HIVEP3: variants seen among roughly 807,000 people sequenced by gnomAD.
HIVEP3 encodes transcription factor HIVEP3.
A neutral mutation model predicts 152.8 loss-of-function variants in HIVEP3; 49 were observed. The ratio of observed to expected loss-of-function variants is 0.32; its 90% CI spans 0.26 to 0.41. HIVEP3 has a LOEUF of 0.41. Among genes scored for constraint, HIVEP3 ranks in the 10% least tolerant of loss-of-function variants. The pLI is 1.00. For missense variants in HIVEP3, 2,790 were observed against 3,103.3 expected, an observed-to-expected ratio of 0.90 and a Z score of 2.40; for synonymous variants, 1,269 against 1,289.0, an observed-to-expected ratio of 0.98 and a Z score of 0.33.
chr1:41,558,236 A>G (rs1028472446), intron 5 of HIVEP3, among the ~76,000 whole-genome samples: 3 of 152,162 alleles, frequency 2.0e-5, no homozygotes, highest in East Asian at 1.9e-4. Flanking sequence ...AGCATGCCCT[A>G]TGCTGGACGG....
At chr1:41,512,705 C>A in intron 8 of HIVEP3, 111 bp downstream of exon 8, 1 of 859,160 alleles carries the variant, frequency 1.2e-6, no homozygotes, top group Non-Finnish European at 1.7e-6. Flanking sequence ...TTAATAACTA[C>A]TGAGCTGGCA....
intron 1 of HIVEP3, among the ~76,000 whole-genome samples, chr1:41,896,678 G>A (rs927595647): frequency 6.6e-6 from 1 of 151,470 alleles, no homozygotes; most frequent in South Asian, 2.1e-4. Context: ...GGGTTCAAGC[G>A]ATTCTCCTGC....
At chr1:41,890,531 TGCTGAG>T (rs1644429912) in intron 1 of HIVEP3, among the ~76,000 whole-genome samples, 1 of 152,234 alleles carries the variant, frequency 6.6e-6, no homozygotes, top group Non-Finnish European at 1.5e-5. Flanking sequence ...TATTGTGTGA[TGCTGAG>T]GTTTGGGAGA....
At chr1:41,865,838 C>G (rs1344032197) in intron 1 of HIVEP3, among the ~76,000 whole-genome samples, 1 of 152,188 alleles carries the variant, frequency 6.6e-6, no homozygotes, top group Non-Finnish European at 1.5e-5. Context: ...AAGGTTAACA[C>G]TATCTGTCCA....
intron 1 of HIVEP3, among the ~76,000 whole-genome samples, chr1:41,784,670 C>T (rs184614590): frequency 2.6e-5 from 4 of 152,238 alleles, no homozygotes; most frequent in East Asian, 1.9e-4. Flanking sequence ...CCCCATGGGA[C>T]GGAGGCTGGA....
chr1:41,566,506 G>A (rs977028432), intron 5 of HIVEP3, among the ~76,000 whole-genome samples: 3 of 152,136 alleles, frequency 2.0e-5, no homozygotes, highest in Non-Finnish European at 2.9e-5. Flanking sequence ...ACACCTGTCT[G>A]CTCCAGCTCA....
chr1:41,792,789 C>T (rs1035456675), intron 1 of HIVEP3, among the ~76,000 whole-genome samples: 7 of 152,198 alleles, frequency 4.6e-5, no homozygotes, highest in African/African-American at 1.7e-4. Context: ...ACACTGAAGA[C>T]AACTGGACAG....
chr1:41,858,137 A>G (rs555482708), intron 1 of HIVEP3, among the ~76,000 whole-genome samples: 4 of 152,316 alleles, frequency 2.6e-5, no homozygotes, highest in African/African-American at 9.6e-5. Context: ...AATGGAAAAC[A>G]TAAGTTTTAC....
intron 1 of HIVEP3, among the ~76,000 whole-genome samples, chr1:41,874,777 C>A (rs949503682): frequency 6.6e-6 from 1 of 152,138 alleles, no homozygotes; most frequent in African/African-American, 2.4e-5. Context: ...CAAACAGAGG[C>A]CCTGAGGGAT....
chr1:41,527,251 A>ACCCT (rs1383936592), intron 5 of HIVEP3, among the ~76,000 whole-genome samples: 2 of 40,156 alleles, frequency 5.0e-5, no homozygotes, highest in Non-Finnish European at 1.1e-4. Context: ...CCTCACACAC[A>ACCCT]CACACCCTCA....
chr1:41,639,005 CCCTGCCACCCT>C (rs1217222498), intron 2 of HIVEP3, among the ~76,000 whole-genome samples: 1 of 152,174 alleles, frequency 6.6e-6, no homozygotes, highest in Non-Finnish European at 1.5e-5. Flanking sequence ...GCCCTGAGGC[CCCTGCCACCCT>C]CCTGACACCC....
At chr1:41,993,493 G>A (rs1645375970) in intron 1 of HIVEP3, among the ~76,000 whole-genome samples, 1 of 151,814 alleles carries the variant, frequency 6.6e-6, no homozygotes, top group African/African-American at 2.4e-5. Flanking sequence ...TAAAAAGTCA[G>A]GAAACAACAG....
At chr1:41,569,220 A>C (rs1468748089) in intron 5 of HIVEP3, among the ~76,000 whole-genome samples, 1 of 152,218 alleles carries the variant, frequency 6.6e-6, no homozygotes, top group African/African-American at 2.4e-5. Context: ...ATAGCAATGC[A>C]AGAACTGACT....
At chr1:41,754,316 G>A (rs556224312) in intron 1 of HIVEP3, among the ~76,000 whole-genome samples, 3 of 152,218 alleles carry the variant, frequency 2.0e-5, no homozygotes, top group Middle Eastern at 3.4e-3. Flanking sequence ...GCTTCTGGGT[G>A]GTGAAGAGAC....
chr1:41,520,319 C>A (rs951550473), intron 6 of HIVEP3, among the ~76,000 whole-genome samples: 1 of 152,176 alleles, frequency 6.6e-6, no homozygotes, highest in African/African-American at 2.4e-5. Context: ...GTTCATGACT[C>A]TATCCTTCCC....
intron 2 of HIVEP3, among the ~76,000 whole-genome samples, chr1:41,694,933 C>T (rs1414971902): frequency 6.6e-6 from 1 of 152,150 alleles, no homozygotes; most frequent in Non-Finnish European, 1.5e-5. Context: ...CTCGCCTCTC[C>T]TATAATAACC....
chr1:41,863,871 G>A (rs1428957585), intron 1 of HIVEP3, among the ~76,000 whole-genome samples: 1 of 152,202 alleles, frequency 6.6e-6, no homozygotes, highest in South Asian at 2.1e-4. Flanking sequence ...TTACGATTGT[G>A]AGAGCTGATT....
intron 3 of HIVEP3, among the ~76,000 whole-genome samples, chr1:41,605,375 GCACA>G (rs57942643): frequency 0.019 from 2,363 of 126,582 alleles, 24 homozygotes; most frequent in Admixed American, 0.027. Context: ...ACGCACACGC[GCACA>G]CACACACACA....
chr1:41,976,240 G>A (rs1645258372), intron 1 of HIVEP3, among the ~76,000 whole-genome samples: 1 of 152,186 alleles, frequency 6.6e-6, no homozygotes, highest in African/African-American at 2.4e-5. Context: ...ATACGTTTGT[G>A]GCGTCATTCA....
Sources: allele counts gnomAD v4.1 joint callset (sites outside exome capture counted in the v4.1 genomes callset), GRCh38; gene constraint gnomAD v4.1.1; transcripts MANE v1.5; gene names NCBI Gene and HGNC (gene_info 2026-07-23, HGNC 2026-07-21).